Variants in TNR observed in about 807,000 individuals in gnomAD.
TNR encodes tenascin-R.
A neutral mutation model predicts 150.4 loss-of-function variants in TNR; 45 were observed. The ratio of observed to expected loss-of-function variants is 0.30; its 90% CI spans 0.24 to 0.38. The LOEUF (loss-of-function observed/expected upper bound fraction) is 0.38. Ranked by LOEUF, TNR falls within the 10% of genes least tolerant of loss-of-function variation. The pLI is 1.00. For missense variants in TNR, 1,544 were observed against 1,759.1 expected (o/e 0.88, Z 2.19); for synonymous variants, 687 against 678.4 (o/e 1.01, Z -0.20).
chr1:175,520,678 CTCTCTCTCTCTCTT>C (rs919439531), intron 2 of TNR, among the ~76,000 whole-genome samples: 2 of 151,116 alleles, frequency 1.3e-5, no homozygotes, highest in African/African-American at 2.5e-5. Context: ...CTGCTCTTCT[CTCTCTCTCTCTCTT>C]TCTCTCTCTC....
rs535231957 is a variant in TNR at position 175,642,739 on chromosome 1, C to A, written c.-165+100487G>T. On this transcript the variant is annotated intron_variant, in intron 1 of 22. Coordinates refer to ENST00000367674, the MANE Select transcript of TNR (RefSeq NM_003285.3). ...TTGAGGCCAGGGGTTTGAGACCAGT[C>A]TGAGCAACACAGTGAGACCCCATCT... Among the ~76,000 whole-genome samples, 3 of 152,180 alleles carry A rather than the reference C, an allele frequency of 2.0e-5. No homozygotes were observed. The South Asian group carries it at 6.2e-4, about 32-fold the overall frequency.
At chr1:175,480,439 GAAAGAGAA>G in intron 2 of TNR, among the ~76,000 whole-genome samples, 1 of 150,432 alleles carries the variant, frequency 6.6e-6, no homozygotes, top group East Asian at 2.0e-4. Context: ...AAGAAAGAAA[GAAAGAGAA>G]AGAAAGAAAG....
intron 2 of TNR, among the ~76,000 whole-genome samples, chr1:175,482,014 G>T (rs16848499): frequency 0.18 from 27,529 of 152,082 alleles, 3,062 homozygotes; most frequent in East Asian, 0.51. Context: ...ACCCTGCCTC[G>T]TGTTGTCACA....
intron 1 of TNR, among the ~76,000 whole-genome samples, chr1:175,649,066 G>A (rs988514209): frequency 6.6e-6 from 1 of 152,182 alleles, no homozygotes; most frequent in Non-Finnish European, 1.5e-5. Context: ...AGCCAGGAGA[G>A]GCCATGCCCC....
intron 1 of TNR, among the ~76,000 whole-genome samples, chr1:175,564,123 A>C (rs1661542476): frequency 6.6e-6 from 1 of 152,230 alleles, no homozygotes; most frequent in South Asian, 2.1e-4. Context: ...GTAAGCATCA[A>C]CAAGCCAAAT....
In TNR at chr1:175,397,969, A is replaced by T. The variant is rs80260367; in HGVS notation, c.977-1162T>A. Among the ~76,000 whole-genome samples, 619 of 152,342 alleles carry T rather than the reference A, an allele frequency of 4.1e-3. 4 individuals are homozygous for T. Among genetic ancestry groups the T allele is most frequent in the Admixed American group, 7.8e-3 (120 of 15,308 alleles). ...AGCCGATATTTAAATGGTCATTATT[A>T]ACTTATAAATTTATATGTAGTGGAG... On this transcript the variant is annotated intron_variant, in intron 4 of 22. Coordinates refer to ENST00000367674, the MANE Select transcript of TNR (RefSeq NM_003285.3).
intron 3 of TNR, among the ~76,000 whole-genome samples, 177 bp from the exon 4 acceptor site, chr1:175,403,793 G>A (rs1202331677): frequency 6.6e-6 from 1 of 152,212 alleles, no homozygotes; most frequent in African/African-American, 2.4e-5. Flanking sequence ...CCTAGCATGG[G>A]CTGTCTGTGC....
At chr1:175,738,366 C>T (rs1173444851) in intron 1 of TNR, among the ~76,000 whole-genome samples, 1 of 152,160 alleles carries the variant, frequency 6.6e-6, no homozygotes, top group Non-Finnish European at 1.5e-5. Flanking sequence ...CTGACACATG[C>T]TATAGCATGG....
chr1:175,456,414 C>T (rs1009678485), intron 2 of TNR, among the ~76,000 whole-genome samples: 6 of 152,108 alleles, frequency 3.9e-5, no homozygotes, highest in South Asian at 2.1e-4. Context: ...TTTTGTGTCC[C>T]GTCACTACAA....
At chr1:175,568,195 A>C (rs1360985161) in intron 1 of TNR, among the ~76,000 whole-genome samples, 1 of 152,178 alleles carries the variant, frequency 6.6e-6, no homozygotes, top group Non-Finnish European at 1.5e-5. Context: ...ACTGCTTTTC[A>C]GGTTTCTTTT....
chr1:175,494,433 G>A (rs555286023), intron 2 of TNR, among the ~76,000 whole-genome samples: 1 of 152,322 alleles, frequency 6.6e-6, no homozygotes, highest in African/African-American at 2.4e-5. Context: ...GGTTGGCATG[G>A]GAGCAAAAGC....
intron 1 of TNR, among the ~76,000 whole-genome samples, chr1:175,642,615 G>A (rs1664698958): frequency 6.6e-6 from 1 of 152,256 alleles, no homozygotes; most frequent in Non-Finnish European, 1.5e-5. Flanking sequence ...AACTGGCTAG[G>A]CTGTTGTAAT....
intron 1 of TNR, among the ~76,000 whole-genome samples, chr1:175,705,754 G>T (rs2101930821): frequency 6.6e-6 from 1 of 152,210 alleles, no homozygotes; most frequent in South Asian, 2.1e-4. Flanking sequence ...AAATGGAAAA[G>T]CATGGTCAGG....
At chr1:175,329,616 A>G (rs959540654) in intron 21 of TNR, among the ~76,000 whole-genome samples, 6 of 152,200 alleles carry the variant, frequency 3.9e-5, no homozygotes, top group Admixed American at 2.0e-4. Context: ...TATGATTTGC[A>G]CTAATTCAAA....
chr1:175,388,931 C>T (rs975941541), intron 7 of TNR, among the ~76,000 whole-genome samples: 2 of 152,226 alleles, frequency 1.3e-5, no homozygotes, highest in Non-Finnish European at 2.9e-5. Context: ...CTACCTTCTC[C>T]ATGTTCTGTC....
chr1:175,582,321 T>G (rs554394657), intron 1 of TNR, among the ~76,000 whole-genome samples: 1 of 152,190 alleles, frequency 6.6e-6, no homozygotes, highest in Admixed American at 6.5e-5. Context: ...TATTGCTGCA[T>G]TGTTTTCGTT....
At chr1:175,432,126 G>A (rs1655301020) in intron 2 of TNR, among the ~76,000 whole-genome samples, 1 of 152,144 alleles carries the variant, frequency 6.6e-6, no homozygotes, top group Non-Finnish European at 1.5e-5. Flanking sequence ...ATCACAGGTG[G>A]AGGAGGCATC....
chr1:175,441,406 T>C (rs1655784088), intron 2 of TNR, among the ~76,000 whole-genome samples: 2 of 152,222 alleles, frequency 1.3e-5, no homozygotes, highest in African/African-American at 4.8e-5. Flanking sequence ...ATGCATATAG[T>C]GTATTTATAT....
At chr1:175,392,760 TA>T (rs533004238) in intron 6 of TNR, among the ~76,000 whole-genome samples, 4 of 152,198 alleles carry the variant, frequency 2.6e-5, no homozygotes, top group Non-Finnish European at 5.9e-5. Context: ...GGGACCCAGG[TA>T]CTCGTTTTAA....
Sources: allele counts gnomAD v4.1 joint callset (sites outside exome capture counted in the v4.1 genomes callset), GRCh38; gene constraint gnomAD v4.1.1; transcripts MANE v1.5; gene names NCBI Gene and HGNC (gene_info 2026-07-23, HGNC 2026-07-21).